LRFN5: variants seen among roughly 807,000 people sequenced by gnomAD.
LRFN5 encodes leucine-rich repeat and fibronectin type-III domain-containing protein 5.
Under a neutral mutation model 45.6 loss-of-function variants are expected in LRFN5, and 24 were observed. That is an observed-to-expected ratio of 0.53 (90% CI 0.38 to 0.74). The LOEUF is 0.74. Among genes scored for constraint, LRFN5 ranks in the 30% least tolerant of loss-of-function variants. LRFN5 has a pLI of 0.00. For synonymous variants in LRFN5, 340 were observed against 313.8 expected (o/e 1.08, Z -0.88); for missense variants, 776 against 861.5 (o/e 0.90, Z 1.24).
intron 1 of LRFN5, among the ~76,000 whole-genome samples, chr14:41,625,371 G>A (rs1888291854): frequency 4.6e-5 from 7 of 152,094 alleles, no homozygotes; most frequent in Admixed American, 4.6e-4. Context: ...GCTTCCTCCT[G>A]TGCTGGGCAC....
At chr14:41,764,893 A>G (rs1253913073) in intron 1 of LRFN5, among the ~76,000 whole-genome samples, 3 of 132,960 alleles carry the variant, frequency 2.3e-5, no homozygotes, top group Non-Finnish European at 3.5e-5. Context: ...TATTCATATA[A>G]ATATTATTTT....
intron 2 of LRFN5, among the ~76,000 whole-genome samples, chr14:41,784,623 G>A (rs1224211152): frequency 1.5e-5 from 1 of 64,894 alleles, no homozygotes; most frequent in Non-Finnish European, 2.8e-5. Context: ...GTGTGTATGT[G>A]TGTGTGTTTG....
chr14:41,898,489 A>G (rs1891009042), intron 4 of LRFN5, among the ~76,000 whole-genome samples: 1 of 152,054 alleles, frequency 6.6e-6, no homozygotes, highest in Admixed American at 6.6e-5. Flanking sequence ...TGGTGAACAT[A>G]GTTAAACTAT....
At chr14:41,838,685 A>T (rs1162607619) in intron 2 of LRFN5, among the ~76,000 whole-genome samples, 1 of 152,226 alleles carries the variant, frequency 6.6e-6, no homozygotes, top group Non-Finnish European at 1.5e-5. Flanking sequence ...GAAATACTAT[A>T]GCAATATTTT....
chr14:41,759,452 C>CT (rs1236410669), intron 1 of LRFN5, among the ~76,000 whole-genome samples: 54 of 19,872 alleles, frequency 2.7e-3, no homozygotes, highest in Non-Finnish European at 4.0e-3. Flanking sequence ...TCTCTCTACA[C>CT]ACACACACAC....
intron 2 of LRFN5, among the ~76,000 whole-genome samples, chr14:41,846,510 A>G (rs1889073503): frequency 2.0e-5 from 3 of 152,176 alleles, no homozygotes; most frequent in African/African-American, 7.2e-5. Flanking sequence ...GTATGATTCC[A>G]TATACATACC....
intron 3 of LRFN5, among the ~76,000 whole-genome samples, chr14:41,889,440 C>A (rs1478406382): frequency 6.6e-6 from 1 of 152,006 alleles, no homozygotes; most frequent in Non-Finnish European, 1.5e-5. Context: ...AAGTAATTTG[C>A]TCTTGTCATA....
rs567194767 is a variant in LRFN5 at position 41,843,568 on chromosome 14, G to T, written c.-20-43038G>T. On this transcript the variant is annotated intron_variant, in intron 2 of 5. Transcript: ENST00000298119. ...GTAGAAGCTTCTCATTTTAGTGAAT[G>T]ATCCAATTCAAATCAGTCTTTGTGT... Among the ~76,000 whole-genome samples the T allele has an allele frequency of 3.3e-5, 5 of 152,098 alleles. No homozygotes were observed. In the South Asian group the frequency reaches 6.2e-4, roughly 19 times the overall value.
intron 2 of LRFN5, among the ~76,000 whole-genome samples, chr14:41,834,813 C>T (rs1333189769): frequency 6.6e-6 from 1 of 151,846 alleles, no homozygotes. Flanking sequence ...CAGGCATGCA[C>T]CACCATACCT....
At chr14:41,844,189 A>G (rs147430724) in intron 2 of LRFN5, among the ~76,000 whole-genome samples, 4,082 of 152,142 alleles carry the variant, frequency 0.027, 89 homozygotes, top group Non-Finnish European at 0.041. Context: ...TGTAATCCTA[A>G]CACTTTGGGA....
rs1352907166 is a variant in LRFN5, at chr14:41,891,466, T to A, written c.1602T>A (p.Gly534=). ...GAGGCACCATGATTATTATTATTGGTGGAATCATTGTAGCATCTGTGCTGG... is the reference window on the plus strand; with the variant it reads ...GAGGCACCATGATTATTATTATTGGAGGAATCATTGTAGCATCTGTGCTGG... ...FLGGTMIIII[G]GIIVASVLVF... Residue 534 remains glycine, a synonymous_variant, in exon 4 of 6, where the codon GGT becomes GGA. Coordinates refer to ENST00000298119, the MANE Select transcript of LRFN5 (RefSeq NM_152447.5). 3.7e-6 allele frequency: 6 copies of A among 1,614,014 alleles called. No homozygotes were observed. Among genetic ancestry groups the A allele is most frequent in the Non-Finnish European group, 5.1e-6 (6 of 1,180,006 alleles).
chr14:41,697,914 G>A (rs184837101), intron 1 of LRFN5, among the ~76,000 whole-genome samples: 22 of 151,990 alleles, frequency 1.4e-4, no homozygotes, highest in Non-Finnish European at 2.7e-4. Context: ...AGTTATAGAA[G>A]AAGTAGGCTA....
intron 2 of LRFN5, among the ~76,000 whole-genome samples, chr14:41,795,445 A>G (rs1480477389): frequency 6.6e-6 from 1 of 152,152 alleles, no homozygotes; most frequent in African/African-American, 2.4e-5. Context: ...CCAAAGGATT[A>G]TAAATCATGC....
chr14:41,757,985 T>C (rs1420942839), intron 1 of LRFN5, among the ~76,000 whole-genome samples: 1 of 152,226 alleles, frequency 6.6e-6, no homozygotes, highest in African/African-American at 2.4e-5. Context: ...CATACTAATA[T>C]GGGACTATCC....
At chr14:41,743,753 A>T (rs1289355099) in intron 1 of LRFN5, among the ~76,000 whole-genome samples, 10 of 152,232 alleles carry the variant, frequency 6.6e-5, no homozygotes, top group African/African-American at 2.4e-4. Context: ...GGCTCTCTGT[A>T]CAGTGTATAC....
intron 1 of LRFN5, among the ~76,000 whole-genome samples, chr14:41,761,551 T>C (rs1885670514): frequency 6.6e-6 from 1 of 152,112 alleles, no homozygotes; most frequent in African/African-American, 2.4e-5. Flanking sequence ...ATTTTGTTTT[T>C]CCCTATGGTC....
intron 1 of LRFN5, among the ~76,000 whole-genome samples, chr14:41,628,657 T>G (rs922892413): frequency 2.6e-5 from 4 of 152,076 alleles, no homozygotes; most frequent in African/African-American, 9.7e-5. Context: ...GAGAGGTGAT[T>G]GTTGTCTTGG....
intron 1 of LRFN5, among the ~76,000 whole-genome samples, chr14:41,664,151 C>T (rs1156489516): frequency 6.6e-6 from 1 of 151,952 alleles, no homozygotes; most frequent in Non-Finnish European, 1.5e-5. Flanking sequence ...GTAGGTGAGA[C>T]ACGAGGGAGT....
intron 1 of LRFN5, among the ~76,000 whole-genome samples, chr14:41,670,203 C>CGG (rs1555352819): frequency 1.1e-4 from 12 of 113,484 alleles, no homozygotes; most frequent in African/African-American, 4.2e-4. Context: ...TATACATTCT[C>CGG]TGTGTGTGTG....
Sources: allele counts gnomAD v4.1 joint callset (sites outside exome capture counted in the v4.1 genomes callset), GRCh38; gene constraint gnomAD v4.1.1; transcripts MANE v1.5; gene names NCBI Gene and HGNC (gene_info 2026-07-23, HGNC 2026-07-21).